Variants in ABR observed in about 807,000 individuals in gnomAD.
The protein encoded by ABR is ABR activator of RhoGEF and GTPase, also known as active breakpoint cluster region-related protein.
A neutral mutation model predicts 107.2 loss-of-function variants in ABR; 35 were observed. The observed-to-expected ratio is 0.33, with a 90% CI of 0.25 to 0.43. The LOEUF (loss-of-function observed/expected upper bound fraction) is 0.43. Among genes scored for constraint, ABR ranks in the 20% least tolerant of loss-of-function variants. The probability of loss-of-function intolerance (pLI) is 1.00; values close to 1 mark genes in which losing one functional copy is unlikely to be tolerated. For synonymous variants in ABR, 498 were observed against 462.0 expected (o/e 1.08, Z -1.00); for missense variants, 815 against 1,115.2 (o/e 0.73, Z 3.83).
chr17:1,086,475 AATATG>A (rs772146250), intron 4 of ABR, among the ~76,000 whole-genome samples: 13 of 152,300 alleles, frequency 8.5e-5, no homozygotes, highest in African/African-American at 2.2e-4. Flanking sequence ...TGAACTGTAA[AATATG>A]ATATATGTGT....
chr17:1,030,245 C>T (rs921020160), intron 16 of ABR, among the ~76,000 whole-genome samples: 2 of 152,242 alleles, frequency 1.3e-5, no homozygotes, highest in African/African-American at 4.8e-5. Flanking sequence ...AAGTTGCCCC[C>T]TGCCCACCAG....
At chr17:1,080,972 CACCTGGCAGAAAGCCAGGG>C (rs1474708232) in intron 5 of ABR, among the ~76,000 whole-genome samples, 5 of 152,172 alleles carry the variant, frequency 3.3e-5, no homozygotes, top group African/African-American at 4.8e-5. Context: ...GATGAGAAGC[CACCTGGCAGAAAGCCAGGG>C]GCCTGGCTCT....
chr17:1,013,885 TC>T (rs1266113822), intron 16 of ABR, among the ~76,000 whole-genome samples: 3 of 152,202 alleles, frequency 2.0e-5, no homozygotes, highest in Non-Finnish European at 4.4e-5. Flanking sequence ...ACAGGACTGT[TC>T]CACGTTCTGT....
chr17:1,062,129 C>A (rs1012157992), intron 10 of ABR, among the ~76,000 whole-genome samples: 1 of 152,304 alleles, frequency 6.6e-6, no homozygotes, highest in African/African-American at 2.4e-5. Flanking sequence ...GCTGACCAAA[C>A]CGCTCCAGGC....
chr17:1,229,590 T>G (rs1463583198), exon 1 of ABR, among the ~76,000 whole-genome samples: 1 of 151,196 alleles, frequency 6.6e-6, no homozygotes, highest in African/African-American at 2.4e-5. Flanking sequence ...CCCGGGGAAC[T>G]CGGCCCGCCA....
intron 16 of ABR, among the ~76,000 whole-genome samples, chr17:1,018,255 G>A (rs1025718584): frequency 1.3e-5 from 2 of 151,180 alleles, no homozygotes; most frequent in African/African-American, 4.9e-5. Context: ...TGTTAGCCAG[G>A]ATGGTCTTGA....
In ABR at chr17:1,147,142, G is replaced by A. The variant is rs116842297; in HGVS notation, c.62-21775C>T. On this transcript the variant is annotated intron_variant, in intron 1 of 22. Coordinates refer to ENST00000302538, the MANE Select transcript of ABR (RefSeq NM_021962.5). ...GTGGACATGACAAGTATCATTTCAC[G>A]GCTGAACAGTGAAAAATTACACACA... Among the ~76,000 whole-genome samples the A allele has an allele frequency of 7.9e-4, 121 of 152,294 alleles. 3 individuals carry two copies. In the East Asian group the frequency reaches 0.013, roughly 17 times the overall value.
chr17:1,142,980 G>T, intron 1 of ABR, among the ~76,000 whole-genome samples: 1 of 151,404 alleles, frequency 6.6e-6, no homozygotes, highest in Non-Finnish European at 1.5e-5. Flanking sequence ...CTGGGGGACA[G>T]CTCGCTCCTG....
chr17:1,157,521 G>C lies in ABR; in HGVS notation c.61+22146C>G, dbSNP rs1484966622. ...CTGCCTCGGCCTCCCAAAGTGCTGG[G>C]ATTACAGGCGTGAGCCACCGCGCCC... On this transcript the variant is annotated intron_variant, in intron 1 of 22. Transcript: ENST00000302538. The surrounding 1 kb of genome is among the most constrained non-coding windows in gnomAD (Gnocchi z 4.7). Among the ~76,000 whole-genome samples the C allele has an allele frequency of 6.6e-6, 1 of 152,152 alleles. No homozygotes were observed. The highest frequency in any genetic ancestry group is 2.4e-5 in the African/African-American group (1 of 41,448).
intron 9 of ABR, among the ~76,000 whole-genome samples, chr17:1,068,094 A>T (rs1194423855): frequency 6.6e-6 from 1 of 152,052 alleles, no homozygotes; most frequent in Non-Finnish European, 1.5e-5. Context: ...CATCACACCC[A>T]GCTAATTTTT....
rs547827354 is a variant in ABR, at chr17:1,096,947, C to T, written c.345+3690G>A. On this transcript the variant is annotated intron_variant, in intron 3 of 22. Transcript: ENST00000302538. ...GAGCTGGGGAAGGGGGGAACCTGCC[C>T]GGGGAGGAGAGAGCCGGGGAAGGGG... Among the ~76,000 whole-genome samples the T allele has an allele frequency of 5.1e-5, 7 of 136,500 alleles. No homozygotes were observed. In the South Asian group the frequency reaches 7.2e-4, roughly 14 times the overall value. 89.5% of individuals were successfully genotyped at this position (136,500 alleles called of 152,430 possible).
chr17:1,169,315 T>A (rs1205826176), intron 1 of ABR, among the ~76,000 whole-genome samples: 1 of 152,204 alleles, frequency 6.6e-6, no homozygotes, highest in Non-Finnish European at 1.5e-5. Flanking sequence ...AAAATCAGGG[T>A]AACAACCTTT....
intron 2 of ABR, among the ~76,000 whole-genome samples, chr17:1,122,467 G>T (rs1232710539): frequency 6.6e-6 from 1 of 152,160 alleles, no homozygotes; most frequent in Non-Finnish European, 1.5e-5. Flanking sequence ...TAACAAAAAG[G>T]CAGAATAAGA....
At chr17:1,061,289 G>A (rs72814040) in intron 10 of ABR, among the ~76,000 whole-genome samples, 16,746 of 152,228 alleles carry the variant, frequency 0.11, 1,209 homozygotes, top group Admixed American at 0.15. Context: ...AAACAGGCAC[G>A]CAGGATGCTC....
At chr17:1,062,840 T>C (rs878910724) in intron 10 of ABR, among the ~76,000 whole-genome samples, 2 of 142,510 alleles carry the variant, frequency 1.4e-5, no homozygotes, top group Non-Finnish European at 3.2e-5. Flanking sequence ...ACTGTTGTTA[T>C]GTGAACTGAG....
intron 3 of ABR, among the ~76,000 whole-genome samples, chr17:1,093,697 A>G (rs372556794): frequency 3.3e-5 from 5 of 152,206 alleles, no homozygotes; most frequent in African/African-American, 1.2e-4. Flanking sequence ...CTGAACGACG[A>G]CCACCAGCTC....
At position 1,020,255 on chromosome 17, in the gene ABR, G is replaced by A. The variant is rs577719776; in HGVS notation, c.1792-7091C>T. Among the ~76,000 whole-genome samples, 182 of 152,286 alleles carry A rather than the reference G, an allele frequency of 1.2e-3. 1 individual carries two copies. Among genetic ancestry groups the A allele is most frequent in the African/African-American group, 4.2e-3 (176 of 41,570 alleles). Reference sequence around the variant, plus strand: ...GAGCCACCACGCCCGGCTAATTTTTGTATTTTTAGTAGAGACGGGGTTTCA... The same window carrying A: ...GAGCCACCACGCCCGGCTAATTTTTATATTTTTAGTAGAGACGGGGTTTCA... On this transcript the variant is annotated intron_variant, in intron 16 of 22. Coordinates refer to ENST00000302538, the MANE Select transcript of ABR (RefSeq NM_021962.5).
intron 16 of ABR, among the ~76,000 whole-genome samples, chr17:1,032,492 C>CCGTG (rs972153299): frequency 1.3e-5 from 2 of 152,128 alleles, no homozygotes; most frequent in Admixed American, 1.3e-4. Flanking sequence ...TCACTTTGAA[C>CCGTG]CATGGCCCTT....
chr17:1,084,034 G>C lies in ABR; in HGVS notation c.532-407C>G, dbSNP rs927534607. On this transcript the variant is annotated intron_variant, in intron 4 of 22. Transcript: ENST00000302538. This position sits in a 1 kb window ranked among gnomAD's most constrained non-coding sequence, Gnocchi z 4.2. ...GAGAGAGGGGGGTGTGTGTGCTGGG[G>C]GGAGCTGGCACGTGTGGCCTGCTCA... is the stretch of plus-strand genomic sequence containing the variant. Among the ~76,000 whole-genome samples the C allele has an allele frequency of 6.6e-6, 1 of 152,138 alleles. No homozygotes were observed. Among genetic ancestry groups the C allele is most frequent in the African/African-American group, 2.4e-5 (1 of 41,420 alleles).
Sources: gnomAD v4.1 joint callset for allele counts (sites outside exome capture counted in the v4.1 genomes callset) on GRCh38, gnomAD v4.1.1 for gene constraint, Gnocchi (gnomAD v3.1) non-coding constraint, MANE v1.5 for transcripts, NCBI Gene and HGNC (gene_info 2026-07-23, HGNC 2026-07-21) for gene names.